The following CRPPA variants were observed in gnomAD, a reference collection of about 807,000 sequenced individuals.
The protein encoded by CRPPA is CDP-L-ribitol pyrophosphorylase A.
A neutral mutation model predicts 52.0 loss-of-function variants in CRPPA; 43 were observed. That is an observed-to-expected ratio of 0.83 (90% CI 0.65 to 1.07). The LOEUF is 1.07. Among genes scored for constraint, CRPPA ranks in the 50% least tolerant of loss-of-function variants. CRPPA has a pLI of 0.00. For synonymous variants in CRPPA, 250 were observed against 203.5 expected (o/e 1.23, Z -1.94); for missense variants, 629 against 551.7 (o/e 1.14, Z -1.40).
intron 9 of CRPPA, among the ~76,000 whole-genome samples, chr7:16,102,620 AAAC>A (rs1224868940): frequency 6.7e-6 from 1 of 149,792 alleles, no homozygotes; most frequent in African/African-American, 2.5e-5. Context: ...GAAAAAAAAC[AAAC>A]AACTGCATTA....
chr7:16,370,358 A>T (rs1384389060), intron 3 of CRPPA, among the ~76,000 whole-genome samples: 1 of 152,136 alleles, frequency 6.6e-6, no homozygotes, highest in East Asian at 1.9e-4. Context: ...CCAATGTACA[A>T]CCAAGGAATC....
At chr7:16,324,047 C>T (rs1045410038) in intron 3 of CRPPA, among the ~76,000 whole-genome samples, 4 of 152,168 alleles carry the variant, frequency 2.6e-5, no homozygotes, top group Non-Finnish European at 4.4e-5. Context: ...GCACTGGCGA[C>T]GTTCTATCTT....
chr7:16,398,743 G>A (rs1459175133), intron 2 of CRPPA, among the ~76,000 whole-genome samples: 4 of 152,180 alleles, frequency 2.6e-5, no homozygotes, highest in African/African-American at 9.7e-5. Flanking sequence ...CTTAACCAAT[G>A]CCTGACATGT....
At chr7:16,383,446 A>C (rs1044341074) in intron 2 of CRPPA, among the ~76,000 whole-genome samples, 7 of 152,204 alleles carry the variant, frequency 4.6e-5, no homozygotes, top group African/African-American at 1.7e-4. Context: ...GTCAGGGGTC[A>C]GGGACCCACT....
At chr7:16,206,575 A>G (rs898599122) in intron 9 of CRPPA, among the ~76,000 whole-genome samples, 9 of 150,342 alleles carry the variant, frequency 6.0e-5, no homozygotes, top group Non-Finnish European at 1.3e-4. Flanking sequence ...ACCTTTTTTT[A>G]AAAAAGAACA....
Position 16,116,495 on chromosome 7 carries a change from T to A in CRPPA, c.1252-24696A>T, listed in dbSNP as rs370258275. 9.2e-5 allele frequency among the ~76,000 whole-genome samples: 14 copies of A among 151,852 alleles called. 1 individual carries two copies. The South Asian group carries it at 2.7e-3, about 29-fold the overall frequency. ...GCCTGGCCAACATGGCGAAACCCCA[T>A]CTCTACTAAAAATACAAACATTAGC... On this transcript the variant is annotated intron_variant, in intron 9 of 9. Coordinates refer to ENST00000407010, the MANE Select transcript of CRPPA (RefSeq NM_001101426.4).
intron 2 of CRPPA, among the ~76,000 whole-genome samples, chr7:16,378,904 G>C (rs1393501417): frequency 6.6e-6 from 1 of 152,138 alleles, no homozygotes; most frequent in Non-Finnish European, 1.5e-5. Flanking sequence ...CTGCATAAAC[G>C]TCTTCTTTTG....
intron 1 of CRPPA, among the ~76,000 whole-genome samples, chr7:16,409,306 G>C (rs755845701): frequency 6.6e-6 from 1 of 152,192 alleles, no homozygotes; most frequent in African/African-American, 2.4e-5. Context: ...AAACTAAATT[G>C]AGACTTCTGA....
chr7:16,401,771 G>A (rs1183451545), intron 2 of CRPPA, among the ~76,000 whole-genome samples: 1 of 152,040 alleles, frequency 6.6e-6, no homozygotes, highest in Non-Finnish European at 1.5e-5. Flanking sequence ...TAATTACGCA[G>A]AAATATACAA....
chr7:16,119,141 C>T (rs912942013), intron 9 of CRPPA, among the ~76,000 whole-genome samples: 4 of 152,090 alleles, frequency 2.6e-5, no homozygotes, highest in African/African-American at 4.8e-5. Context: ...AACCCTTGAC[C>T]GTCCTAGATT....
At chr7:16,339,679 T>C (rs912312280) in intron 3 of CRPPA, among the ~76,000 whole-genome samples, 2 of 152,184 alleles carry the variant, frequency 1.3e-5, no homozygotes, top group African/African-American at 4.8e-5. Flanking sequence ...AACATCATAC[T>C]GGAATTCTTA....
intron 8 of CRPPA, among the ~76,000 whole-genome samples, chr7:16,241,013 T>C (rs1176450305): frequency 6.6e-6 from 1 of 152,148 alleles, no homozygotes; most frequent in Non-Finnish European, 1.5e-5. Context: ...ATGCTATTAC[T>C]TAGCACATTC....
In CRPPA at chr7:16,406,005, A is replaced by T. The variant is rs1041182934; in HGVS notation, c.534+56T>A. 3 of 1,491,924 alleles carry T rather than the reference A, an allele frequency of 2.0e-6. No individual in the cohort carries two copies. In the African/African-American group the frequency reaches 4.2e-5, roughly 21 times the overall value. The allele number at this position is 1,491,924 out of a possible 1,614,324, so 92.4% of individuals were successfully genotyped here. On this transcript the variant is annotated intron_variant, in intron 2 of 9. Coordinates refer to ENST00000407010, the MANE Select transcript of CRPPA (RefSeq NM_001101426.4). Reference sequence around the variant, plus strand: ...ACAGAATTGAATCAAAATTCAGCAAATGAACCACACTACAGTGCTTGTCCC... The same window carrying T: ...ACAGAATTGAATCAAAATTCAGCAATTGAACCACACTACAGTGCTTGTCCC...
chr7:16,321,084 C>A (rs1262022386), intron 3 of CRPPA, among the ~76,000 whole-genome samples: 2 of 151,972 alleles, frequency 1.3e-5, no homozygotes, highest in Non-Finnish European at 2.9e-5. Context: ...TTTTTCTAGC[C>A]CCACCTAACC....
At chr7:16,125,309 G>C (rs1366197752) in intron 9 of CRPPA, among the ~76,000 whole-genome samples, 1 of 131,348 alleles carries the variant, frequency 7.6e-6, no homozygotes, top group East Asian at 2.1e-4. Context: ...TAAACACAAA[G>C]CAGAATTTTT....
At chr7:16,107,250 C>T (rs1309895492) in intron 9 of CRPPA, among the ~76,000 whole-genome samples, 2 of 152,008 alleles carry the variant, frequency 1.3e-5, no homozygotes, top group African/African-American at 4.8e-5. Flanking sequence ...GGGATGCATG[C>T]CAACACCCAA....
chr7:16,106,021 G>T (rs1301859481), intron 9 of CRPPA, among the ~76,000 whole-genome samples: 1 of 151,996 alleles, frequency 6.6e-6, no homozygotes, highest in South Asian at 2.1e-4. Flanking sequence ...GCACAGGCAG[G>T]GAGACTTCCA....
At chr7:16,192,447 T>A (rs1278155304) in intron 9 of CRPPA, among the ~76,000 whole-genome samples, 4 of 152,106 alleles carry the variant, frequency 2.6e-5, no homozygotes, top group Admixed American at 2.6e-4. Context: ...TTATTGACAC[T>A]ACAAATTGCA....
chr7:16,256,914 TA>T (rs911533571), intron 8 of CRPPA, among the ~76,000 whole-genome samples: 18 of 152,028 alleles, frequency 1.2e-4, no homozygotes, highest in African/African-American at 4.3e-4. Context: ...AGTATAATTT[TA>T]AAAAAATGTT....
Sources: gnomAD v4.1 joint callset for allele counts (sites outside exome capture counted in the v4.1 genomes callset) on GRCh38, gnomAD v4.1.1 for gene constraint, MANE v1.5 for transcripts, NCBI Gene and HGNC (gene_info 2026-07-23, HGNC 2026-07-21) for gene names.